PPP2R2B: variants seen among roughly 807,000 people sequenced by gnomAD.
The protein encoded by PPP2R2B is serine/threonine-protein phosphatase 2A 55 kDa regulatory subunit B beta isoform.
In PPP2R2B, 5 loss-of-function variants were observed where a neutral mutation model predicts 46.0. The observed-to-expected ratio is 0.11, with a 90% CI of 0.06 to 0.23. The LOEUF (loss-of-function observed/expected upper bound fraction) is 0.23. Ranked by LOEUF, PPP2R2B falls within the 10% of genes least tolerant of loss-of-function variation. PPP2R2B has a pLI of 1.00. For missense variants in PPP2R2B, 367 were observed against 575.0 expected (o/e 0.64, Z 3.70); for synonymous variants, 215 against 206.7 (o/e 1.04, Z -0.34).
chr5:146,674,276 C>T (rs1777565135), intron 5 of PPP2R2B, among the ~76,000 whole-genome samples: 1 of 152,152 alleles, frequency 6.6e-6, no homozygotes, highest in Non-Finnish European at 1.5e-5. Context: ...AAGTAAAAGG[C>T]TCAGAGTCAT....
chr5:146,996,561 T>C (rs571595951), intron 1 of PPP2R2B, among the ~76,000 whole-genome samples: 1 of 152,080 alleles, frequency 6.6e-6, no homozygotes, highest in Non-Finnish European at 1.5e-5. Context: ...GGTTTGCCCA[T>C]AGAGAATTCT....
chr5:146,799,872 A>G (rs1756761628), intron 2 of PPP2R2B, among the ~76,000 whole-genome samples: 1 of 152,194 alleles, frequency 6.6e-6, no homozygotes, highest in Non-Finnish European at 1.5e-5. Context: ...AAGATGCACA[A>G]TGATCCATAG....
intron 1 of PPP2R2B, among the ~76,000 whole-genome samples, chr5:146,912,331 C>T (rs1270064122): frequency 6.6e-6 from 1 of 150,896 alleles, no homozygotes; most frequent in Non-Finnish European, 1.5e-5. Context: ...GTGGCCACTT[C>T]CTGAATGAGG....
chr5:146,824,548 G>A (rs1758454985), intron 2 of PPP2R2B, among the ~76,000 whole-genome samples: 1 of 152,072 alleles, frequency 6.6e-6, no homozygotes, highest in African/African-American at 2.4e-5. Flanking sequence ...GTTGAGTTTT[G>A]GGGGAAAGCA....
chr5:146,764,789 C>T (rs1754370545), intron 2 of PPP2R2B, among the ~76,000 whole-genome samples: 1 of 135,018 alleles, frequency 7.4e-6, no homozygotes, highest in South Asian at 2.5e-4. Context: ...CTTTATGGAA[C>T]ATCTCTATCC....
chr5:146,759,327 C>T (rs999340579), intron 2 of PPP2R2B, among the ~76,000 whole-genome samples: 8 of 152,148 alleles, frequency 5.3e-5, no homozygotes, highest in Non-Finnish European at 1.2e-4. Flanking sequence ...TATACTTCCC[C>T]TCTACCTCAC....
chr5:146,631,553 T>G (rs1462705663), intron 7 of PPP2R2B, among the ~76,000 whole-genome samples: 2 of 152,188 alleles, frequency 1.3e-5, no homozygotes, highest in Non-Finnish European at 2.9e-5. Flanking sequence ...ACTTGAGGAT[T>G]TCACCTGCTG....
intron 6 of PPP2R2B, among the ~76,000 whole-genome samples, chr5:146,646,219 CT>C (rs1775570694): frequency 6.6e-6 from 1 of 152,160 alleles, no homozygotes; most frequent in South Asian, 2.1e-4. Context: ...GAGGGCTAGT[CT>C]TTATTTTTAC....
intron 7 of PPP2R2B, among the ~76,000 whole-genome samples, chr5:146,601,916 G>A (rs1216543037): frequency 1.3e-5 from 2 of 152,080 alleles, no homozygotes; most frequent in Admixed American, 6.6e-5. Context: ...CCACTTACAG[G>A]AAAAAGGCAT....
chr5:146,625,630 A>G (rs1372998486), intron 7 of PPP2R2B, among the ~76,000 whole-genome samples: 1 of 152,158 alleles, frequency 6.6e-6, no homozygotes, highest in Non-Finnish European at 1.5e-5. Flanking sequence ...TTGGGGGTCC[A>G]GGAAGTCTTC....
chr5:146,950,911 T>G (rs1392720977), intron 1 of PPP2R2B, among the ~76,000 whole-genome samples: 1 of 152,014 alleles, frequency 6.6e-6, no homozygotes, highest in Non-Finnish European at 1.5e-5. Flanking sequence ...GTGCCAAAAA[T>G]TTTCGGCAAT....
intron 2 of PPP2R2B, among the ~76,000 whole-genome samples, chr5:146,765,221 T>C (rs1754406669): frequency 6.6e-6 from 1 of 152,216 alleles, no homozygotes; most frequent in Admixed American, 6.5e-5. Flanking sequence ...CATTATAAGA[T>C]GTAGTTTTCA....
At chr5:146,621,968 T>TC (rs1232734591) in intron 7 of PPP2R2B, among the ~76,000 whole-genome samples, 1 of 152,080 alleles carries the variant, frequency 6.6e-6, no homozygotes, top group Non-Finnish European at 1.5e-5. Flanking sequence ...ACTCTAGCAC[T>TC]CCCCCAGCAG....
chr5:147,071,846 G>T (rs903411253), intron 2 of PPP2R2B, among the ~76,000 whole-genome samples: 1 of 152,186 alleles, frequency 6.6e-6, no homozygotes, highest in Admixed American at 6.5e-5. Context: ...AGAATGCCAA[G>T]CACATAGTAG....
intron 2 of PPP2R2B, 135 bp downstream of exon 2, chr5:146,877,867 G>A: frequency 4.7e-6 from 5 of 1,052,946 alleles, no homozygotes; most frequent in Non-Finnish European, 2.7e-6. Context: ...GGGGCTGCCG[G>A]GGCCAGCCGA....
chr5:146,628,066 T>C (rs1774178857), intron 7 of PPP2R2B, among the ~76,000 whole-genome samples: 1 of 152,062 alleles, frequency 6.6e-6, no homozygotes, highest in Non-Finnish European at 1.5e-5. Context: ...TGCCTCAGCC[T>C]CCTGAGTAGT....
chr5:146,701,201 A>G (rs76030842), intron 2 of PPP2R2B, 59 bp from the exon 3 acceptor site: 47 of 1,308,190 alleles, frequency 3.6e-5, no homozygotes, highest in Non-Finnish European at 5.1e-5. Context: ...GAAAGGATAG[A>G]TAATAGATAT....
Position 146,789,395 on chromosome 5 carries a change from T to C in PPP2R2B, c.71-88253A>G, listed in dbSNP as rs970722791. Among the ~76,000 whole-genome samples the C allele has an allele frequency of 3.3e-5, 5 of 152,282 alleles. No individual in the cohort carries two copies. The East Asian group carries it at 5.8e-4, about 18-fold the overall frequency. ...CGAGTAACATGGTCAGTATTAATAA[T>C]ATAGCTATCACACATGCTTAACATA... On this transcript the variant is annotated intron_variant, in intron 2 of 9. Transcript: ENST00000394411.
At chr5:146,703,060 C>T (rs915116681) in intron 2 of PPP2R2B, among the ~76,000 whole-genome samples, 15 of 152,184 alleles carry the variant, frequency 9.9e-5, no homozygotes, top group Admixed American at 5.9e-4. Flanking sequence ...CATGTTTAGA[C>T]GAGAGAAGGC....
Sources: allele counts gnomAD v4.1 joint callset (sites outside exome capture counted in the v4.1 genomes callset), GRCh38; gene constraint gnomAD v4.1.1; transcripts MANE v1.5; gene names NCBI Gene and HGNC (gene_info 2026-07-23, HGNC 2026-07-21).